Variants in CCDC197 observed in about 807,000 individuals in gnomAD.
CCDC197 encodes coiled-coil domain containing 197.
A neutral mutation model predicts 13.4 loss-of-function variants in CCDC197; 24 were observed. The ratio of observed to expected loss-of-function variants is 1.80; its 90% CI spans 1.30 to 2.53. The LOEUF (loss-of-function observed/expected upper bound fraction) is 2.53. Among genes scored for constraint, CCDC197 ranks in the 30% most tolerant of loss-of-function variants. The pLI is 0.00. For synonymous variants in CCDC197, 99 were observed against 55.5 expected (o/e 1.78, Z -3.48); for missense variants, 255 against 148.8 (o/e 1.71, Z -3.71).
intron 6 of CCDC197, 37 bp downstream of exon 6, chr14:94,005,008 C>A: frequency 1.4e-6 from 1 of 693,702 alleles, no homozygotes; most frequent in Non-Finnish European, 2.6e-6. Flanking sequence ...CTCCTGACTG[C>A]CCCAGGCAAG....
rs1277189063 is a variant in CCDC197 at position 94,003,176 on chromosome 14, C to T, written c.367-47C>T. The T allele has an allele frequency of 3.9e-6, 3 of 767,268 alleles. No individual in the cohort carries two copies. The highest frequency in any genetic ancestry group is 1.7e-5 in the Admixed American group (1 of 58,262). 47.5% of individuals were successfully genotyped at this position (767,268 alleles called of 1,614,324 possible). The stretch of plus-strand genomic sequence containing the variant: ...CTGGGGACTCAGACCAGGGCATATG[C>T]CCTGGAGGGTTTGTTGTACCAAGAT... On this transcript the variant is annotated intron_variant, in intron 4 of 6. Transcript: ENST00000636493. The surrounding 1 kb of genome is among the most constrained non-coding windows in gnomAD (Gnocchi z 5.0).
chr14:94,006,609 G>A (rs1329441104), intron 6 of CCDC197, among the ~76,000 whole-genome samples: 4 of 151,884 alleles, frequency 2.6e-5, no homozygotes, highest in African/African-American at 7.3e-5. Context: ...CACCCGCCTC[G>A]GCCTCCCAAA....
chr14:93,995,368 A>G (rs761532763), upstream of CCDC197, among the ~76,000 whole-genome samples: 8 of 152,148 alleles, frequency 5.3e-5, no homozygotes, highest in Non-Finnish European at 1.0e-4. Context: ...GGGTTGTACC[A>G]GTTATAGGGC....
chr14:93,996,740 G>A (rs1027091656), upstream of CCDC197, among the ~76,000 whole-genome samples: 2 of 152,122 alleles, frequency 1.3e-5, no homozygotes, highest in African/African-American at 4.8e-5. Context: ...CGGCAGGGTG[G>A]TGCGTGTGGT....
chr14:93,999,330 C>T, intron 2 of CCDC197: 1 of 471,888 alleles, frequency 2.1e-6, no homozygotes. Flanking sequence ...CCTTCATTCT[C>T]CCCCAGATAC....
At chr14:94,004,685 G>T (rs532698505) in intron 5 of CCDC197, among the ~76,000 whole-genome samples, 170 bp from the exon 6 acceptor site, 5 of 152,192 alleles carry the variant, frequency 3.3e-5, no homozygotes, top group African/African-American at 9.7e-5. Flanking sequence ...CTGACGTAGG[G>T]AGGAACTCAA....
At chr14:93,999,489 G>T (rs1890423568) in intron 2 of CCDC197, 94 bp from the exon 3 acceptor site, 1 of 748,760 alleles carries the variant, frequency 1.3e-6, no homozygotes. Context: ...GCACGTCCAA[G>T]CAGGAGATCA....
At chr14:93,989,302 A>G (rs941055929) in intron 1 of CCDC197, among the ~76,000 whole-genome samples, 3 of 152,130 alleles carry the variant, frequency 2.0e-5, no homozygotes, top group African/African-American at 7.2e-5. Context: ...AGGACCCAGG[A>G]TAAGAAGCAC....
At chr14:93,988,158 G>A (rs1473245935) in intron 1 of CCDC197, among the ~76,000 whole-genome samples, 2 of 131,250 alleles carry the variant, frequency 1.5e-5, no homozygotes, top group African/African-American at 5.9e-5. Context: ...TCTAGAAGGA[G>A]GAGTTGGAGG....
chr14:93,987,715 T>C (rs1438798769), intron 1 of CCDC197, among the ~76,000 whole-genome samples: 1 of 152,138 alleles, frequency 6.6e-6, no homozygotes, highest in African/African-American at 2.4e-5. Context: ...AGCAGCTTCC[T>C]AACGGGCGGG....
At chr14:93,995,185 C>T (rs367756821), upstream of CCDC197, among the ~76,000 whole-genome samples, 2 of 152,304 alleles carry the variant, frequency 1.3e-5, no homozygotes, top group East Asian at 3.9e-4. Context: ...ATGCTCTGAC[C>T]ATTTCTGAGT....
At chr14:93,990,970 G>A (rs1890200486) in intron 1 of CCDC197, among the ~76,000 whole-genome samples, 1 of 152,118 alleles carries the variant, frequency 6.6e-6, no homozygotes, top group South Asian at 2.1e-4. Context: ...TGAGGGTGAG[G>A]GACTTGCCCA....
At chr14:94,001,403 T>C (rs1890503108) in intron 4 of CCDC197, 80 bp downstream of exon 4, 1 of 634,184 alleles carries the variant, frequency 1.6e-6, no homozygotes, top group Admixed American at 2.6e-5. Flanking sequence ...TGCATAGCCC[T>C]GGGGAAGGCC....
At chr14:93,997,808 G>C (rs997811540) in intron 1 of CCDC197, among the ~76,000 whole-genome samples, 191 bp from the exon 2 acceptor site, 1 of 152,208 alleles carries the variant, frequency 6.6e-6, no homozygotes, top group African/African-American at 2.4e-5. Flanking sequence ...TGATGGGGCT[G>C]TACCAGTTAT....
In CCDC197 at chr14:93,997,858, C is replaced by T. The variant is rs965813645; in HGVS notation, c.-133-141C>T. ...AACAAGGCCCCTGCAGAATGGCACC[C>T]TCAACCTCTCCAGAGCTGGGGATGC... On this transcript the variant is annotated intron_variant, in intron 1 of 6. Coordinates refer to ENST00000636493, the MANE Select transcript of CCDC197 (RefSeq NM_001351596.2). 4 of 453,442 alleles carry T rather than the reference C, an allele frequency of 8.8e-6. No individual in the cohort carries two copies. In the Admixed American group the frequency reaches 1.1e-4, roughly 12 times the overall value. The allele number at this position is 453,442 out of a possible 1,614,324, so 28.1% of individuals were successfully genotyped here. A position where few individuals can be genotyped will look rare whatever the true frequency, so the allele number is the denominator to read the frequency against.
At chr14:93,988,474 C>G (rs12895403) in intron 1 of CCDC197, among the ~76,000 whole-genome samples, 10,470 of 10,518 alleles carry the variant, frequency 1, 5,211 homozygotes, top group Middle Eastern at 1. Context: ...GGATGGGAGA[C>G]AAGATGGGAG....
At chr14:94,006,449 G>T (rs1018274396) in intron 6 of CCDC197, among the ~76,000 whole-genome samples, 1 of 151,602 alleles carries the variant, frequency 6.6e-6, no homozygotes, top group Non-Finnish European at 1.5e-5. Flanking sequence ...TCTGCCTCCC[G>T]GGTTCAAGCA....
At chr14:93,997,887 C>T (rs984687744) in intron 1 of CCDC197, 112 bp from the exon 2 acceptor site, 2 of 529,174 alleles carry the variant, frequency 3.8e-6, no homozygotes, top group African/African-American at 3.8e-5. Context: ...GGGATGCAGC[C>T]CGAAGACCTT....
Position 93,999,577 on chromosome 14 carries a change from C to T in CCDC197, c.105-6C>T, listed in dbSNP as rs2141358598. On this transcript the variant is annotated splice_polypyrimidine_tract_variant and splice_region_variant and intron_variant, in intron 2 of 6. Transcript: ENST00000636493. ...CCAGGCCATGTTCCTGCATCTGGCT[C>T]TACAGGCAGAAGAAGCTCAAGAGAG... The T allele has an allele frequency of 3.8e-6, 3 of 780,840 alleles. No individual in the cohort carries two copies. The highest frequency in any genetic ancestry group is 2.4e-5 in the East Asian group (1 of 41,250). The allele number at this position is 780,840 out of a possible 1,614,324, so 48.4% of individuals were successfully genotyped here. A position where few individuals can be genotyped will look rare whatever the true frequency, so the allele number is the denominator to read the frequency against.
Sources: allele counts gnomAD v4.1 joint callset (sites outside exome capture counted in the v4.1 genomes callset), GRCh38; gene constraint gnomAD v4.1.1; non-coding constraint Gnocchi (gnomAD v3.1); transcripts MANE v1.5; gene names NCBI Gene and HGNC (gene_info 2026-07-23, HGNC 2026-07-21).